Variants in KSR2 observed in about 807,000 individuals in gnomAD.
The protein encoded by KSR2 is kinase suppressor of ras 2.
Under a neutral mutation model 107.8 loss-of-function variants are expected in KSR2, and 25 were observed. The ratio of observed to expected loss-of-function variants is 0.23; its 90% confidence interval spans 0.17 to 0.32. The LOEUF is 0.32. KSR2 is among the 10% of genes least tolerant of loss of function. KSR2 has a pLI of 1.00. For missense variants in KSR2, 887 were observed against 1,268.9 expected (o/e 0.70, Z 4.57); for synonymous variants, 480 against 507.0 (o/e 0.95, Z 0.71).
intron 1 of KSR2, among the ~76,000 whole-genome samples, chr12:117,936,721 T>C (rs888227847): frequency 2.6e-5 from 4 of 152,120 alleles, no homozygotes; most frequent in African/African-American, 9.7e-5. Context: ...ACAGCTTTTA[T>C]TTGTTTGTTG....
intron 1 of KSR2, among the ~76,000 whole-genome samples, chr12:117,924,688 C>T (rs916602606): frequency 5.9e-5 from 9 of 151,806 alleles, no homozygotes; most frequent in Non-Finnish European, 1.0e-4. Flanking sequence ...CAAATGACTC[C>T]GTTTCTTCAA....
intron 5 of KSR2, among the ~76,000 whole-genome samples, chr12:117,640,408 G>A (rs2393249): frequency 0.17 from 25,057 of 151,822 alleles, 2,135 homozygotes; most frequent in Middle Eastern, 0.23. Context: ...GTGCCACCAC[G>A]CCCGGCTAAA....
chr12:117,646,893 C>T (rs1288169270), intron 5 of KSR2, among the ~76,000 whole-genome samples: 4 of 152,058 alleles, frequency 2.6e-5, no homozygotes, highest in Admixed American at 2.0e-4. Context: ...AGGAATGCAG[C>T]GCAGAAGGGC....
intron 10 of KSR2, among the ~76,000 whole-genome samples, chr12:117,536,739 G>A (rs371348873): frequency 1.4e-3 from 219 of 152,310 alleles, no homozygotes; most frequent in African/African-American, 5.0e-3. Flanking sequence ...AGAATATTTG[G>A]TTATACGGAT....
rs529066754 is a variant in KSR2 at position 117,514,715 on chromosome 12, G to A, written c.2219+10137C>T. Among the ~76,000 whole-genome samples the A allele has an allele frequency of 2.8e-4, 42 of 151,950 alleles. 1 individual carries two copies. In the South Asian group the frequency reaches 8.3e-3, roughly 30 times the overall value. On this transcript the variant is annotated intron_variant, in intron 14 of 19. Coordinates refer to ENST00000339824, the MANE Select transcript of KSR2 (RefSeq NM_173598.6). The stretch of plus-strand genomic sequence containing the variant: ...AGGAGCACACCATCACATCTGGCTA[G>A]TTTTTTAATTTTTGTAGAGATGGGG...
intron 4 of KSR2, among the ~76,000 whole-genome samples, chr12:117,713,348 C>T (rs1375738268): frequency 6.6e-6 from 1 of 150,714 alleles, no homozygotes; most frequent in African/African-American, 2.5e-5. Context: ...GCTAAGTAGA[C>T]AGTAGATAGA....
At chr12:117,797,774 G>A (rs1214545384) in intron 3 of KSR2, among the ~76,000 whole-genome samples, 3 of 149,106 alleles carry the variant, frequency 2.0e-5, no homozygotes, top group Non-Finnish European at 3.0e-5. Flanking sequence ...TTCCACCTCA[G>A]CCTCCCAAGT....
intron 5 of KSR2, among the ~76,000 whole-genome samples, chr12:117,607,367 C>A (rs1369672273): frequency 2.0e-5 from 3 of 152,282 alleles, no homozygotes; most frequent in Middle Eastern, 3.4e-3. Context: ...CATAGCTATT[C>A]CGCATTTTGC....
intron 1 of KSR2, among the ~76,000 whole-genome samples, chr12:117,904,238 A>G (rs1299169489): frequency 6.6e-6 from 1 of 152,192 alleles, no homozygotes; most frequent in Admixed American, 6.5e-5. Flanking sequence ...TCAGGGGTTC[A>G]TATCCGGGAC....
chr12:117,723,863 T>C (rs1333629154), intron 4 of KSR2, among the ~76,000 whole-genome samples: 1 of 152,224 alleles, frequency 6.6e-6, no homozygotes, highest in African/African-American at 2.4e-5. Flanking sequence ...ATTTATTGTG[T>C]ATTTCTCACA....
At chr12:117,598,745 T>TC (rs1197801763) in intron 5 of KSR2, among the ~76,000 whole-genome samples, 1 of 152,134 alleles carries the variant, frequency 6.6e-6, no homozygotes, top group African/African-American at 2.4e-5. Context: ...CATATGTATA[T>TC]CTTATTTTGA....
Position 117,761,182 on chromosome 12 carries a change from G to A in KSR2, c.815C>T (p.Thr272Ile), listed in dbSNP as rs1362628786. The change falls in exon 4 of 20, where the codon ACC becomes ATC. Residue 272 changes from threonine to isoleucine, a missense_variant. Physicochemically the swap from Thr to Ile is moderately conservative, Grantham distance 89. Transcript: ENST00000339824. The part of the protein sequence containing the change: ...PRTPNIVTTV[T>I]PPGTPPMRKK... ...CCTCATGGGCGGCGTGCCCGGCGGG[G>A]TCACGGTGGTGACGATGTTGGGGGT... 1.3e-6 allele frequency: 2 copies of A among 1,596,506 alleles called. No individual in the cohort carries two copies. The highest frequency in any genetic ancestry group is 8.5e-7 in the Non-Finnish European group (1 of 1,170,350).
intron 3 of KSR2, among the ~76,000 whole-genome samples, chr12:117,768,664 G>C (rs1889330298): frequency 6.6e-6 from 1 of 152,320 alleles, no homozygotes; most frequent in African/African-American, 2.4e-5. Flanking sequence ...AGATGACGGG[G>C]ACCTGGGATA....
intron 3 of KSR2, among the ~76,000 whole-genome samples, chr12:117,845,807 AGTAGCT>A (rs1892683837): frequency 6.6e-6 from 1 of 151,226 alleles, no homozygotes; most frequent in East Asian, 1.9e-4. Context: ...CAGCCTCCTC[AGTAGCT>A]GGGATTACAG....
chr12:117,968,423 A>C lies in KSR2; in HGVS notation c.-168T>G. On this transcript the variant is annotated 5_prime_UTR_variant, in exon 1 of 20. Coordinates refer to ENST00000339824, the MANE Select transcript of KSR2 (RefSeq NM_173598.6). ...ACAGGGTTGAGGGGGTGGGAGTGGG[A>C]GGAGGGGACAAGAGCCAAAATTTAT... is the stretch of plus-strand genomic sequence containing the variant. The C allele has an allele frequency of 7.5e-7, 1 of 1,327,762 alleles. No homozygotes were observed. Among genetic ancestry groups the C allele is most frequent in the Non-Finnish European group, 9.6e-7 (1 of 1,046,984 alleles). The allele number at this position is 1,327,762 out of a possible 1,614,324, so 82.2% of individuals were successfully genotyped here. A position where few individuals can be genotyped will look rare whatever the true frequency, so the allele number is the denominator to read the frequency against.
At chr12:117,729,272 ATGCATTGAC>A (rs1304799712) in intron 4 of KSR2, among the ~76,000 whole-genome samples, 1 of 152,008 alleles carries the variant, frequency 6.6e-6, no homozygotes, top group African/African-American at 2.4e-5. Flanking sequence ...CACCCCTCTC[ATGCATTGAC>A]TGCCTCAGCA....
At position 117,787,721 on chromosome 12, in the gene KSR2, G is replaced by A. The variant is rs1458071827; in HGVS notation, c.473-26197C>T. ...GAAGGGTAAGTAAACCACGTGGCTAGGCACAAGAAGGAGCTTTCAGATGAG... is the reference window on the plus strand; with the variant it reads ...GAAGGGTAAGTAAACCACGTGGCTAAGCACAAGAAGGAGCTTTCAGATGAG... On this transcript the variant is annotated intron_variant, in intron 3 of 19. Transcript: ENST00000339824. 2.6e-5 allele frequency among the ~76,000 whole-genome samples: 4 copies of A among 152,268 alleles called. No homozygotes were observed. The South Asian group carries it at 8.3e-4, about 32-fold the overall frequency.
chr12:117,873,298 T>C (rs61939883), intron 1 of KSR2, among the ~76,000 whole-genome samples: 10,239 of 147,084 alleles, frequency 0.07, 464 homozygotes, highest in South Asian at 0.21. Context: ...TGAGCCGATA[T>C]GCACCACTAC....
chr12:117,954,559 G>T (rs984624222), intron 1 of KSR2, among the ~76,000 whole-genome samples: 2 of 152,100 alleles, frequency 1.3e-5, no homozygotes, highest in African/African-American at 2.4e-5. Flanking sequence ...CACACATTTG[G>T]GGCTCAGCTA....
Sources: gnomAD v4.1 joint callset for allele counts (sites outside exome capture counted in the v4.1 genomes callset) on GRCh38, gnomAD v4.1.1 for gene constraint, MANE v1.5 for transcripts, NCBI Gene and HGNC (gene_info 2026-07-23, HGNC 2026-07-21) for gene names.